The following STPG4 variants were observed in gnomAD, a reference collection of about 807,000 sequenced individuals.
STPG4 encodes the protein protein STPG4.
Under a neutral mutation model 31.5 loss-of-function variants are expected in STPG4, and 41 were observed. The observed-to-expected ratio is 1.30, with a 90% CI of 1.01 to 1.69. STPG4 has a LOEUF of 1.69. Among genes scored for constraint, STPG4 ranks in the 40% most tolerant of loss-of-function variants. STPG4 has a pLI of 0.00. For missense variants in STPG4, 375 were observed against 293.4 expected, an observed-to-expected ratio of 1.28 and a Z score of -2.03; for synonymous variants, 141 against 103.0, an observed-to-expected ratio of 1.37 and a Z score of -2.24.
At chr2:47,149,082 A>T (rs1686884469) in intron 3 of STPG4, among the ~76,000 whole-genome samples, 1 of 152,188 alleles carries the variant, frequency 6.6e-6, no homozygotes, top group Non-Finnish European at 1.5e-5. Flanking sequence ...TGACTAAACA[A>T]TGTTTATGTT....
At chr2:47,110,439 C>T (rs536770902) in intron 5 of STPG4, among the ~76,000 whole-genome samples, 2 of 152,250 alleles carry the variant, frequency 1.3e-5, no homozygotes, top group East Asian at 3.9e-4. Context: ...ACTAAACATG[C>T]AAAAATTAGC....
At chr2:47,095,798 G>GA (rs1308577422) in intron 5 of STPG4, among the ~76,000 whole-genome samples, 1 of 152,142 alleles carries the variant, frequency 6.6e-6, no homozygotes, top group Non-Finnish European at 1.5e-5. Flanking sequence ...AGCTAGGTGT[G>GA]GCTGCAGGAC....
At chr2:47,113,852 G>A (rs1686089920) in intron 5 of STPG4, among the ~76,000 whole-genome samples, 1 of 151,918 alleles carries the variant, frequency 6.6e-6, no homozygotes, top group African/African-American at 2.4e-5. Context: ...GGCCAACATG[G>A]TGAAACCCCG....
chr2:47,125,417 T>A (rs1419950086), intron 5 of STPG4, among the ~76,000 whole-genome samples: 3 of 151,954 alleles, frequency 2.0e-5, no homozygotes, highest in African/African-American at 7.2e-5. Context: ...CAAGACGCTG[T>A]CTCAAAAAAA....
At chr2:47,118,560 G>T (rs1305568916) in intron 5 of STPG4, among the ~76,000 whole-genome samples, 1 of 152,144 alleles carries the variant, frequency 6.6e-6, no homozygotes, top group East Asian at 1.9e-4. Flanking sequence ...TGGAAAAACT[G>T]TCTTCTGTGA....
chr2:47,143,529 A>G (rs1466916803), intron 3 of STPG4, among the ~76,000 whole-genome samples: 1 of 146,780 alleles, frequency 6.8e-6, no homozygotes, highest in Non-Finnish European at 1.5e-5. Flanking sequence ...TCTGTCGCCC[A>G]GGCTGGAGTG....
chr2:47,092,851 C>T (rs1280717558), intron 5 of STPG4, among the ~76,000 whole-genome samples: 1 of 151,614 alleles, frequency 6.6e-6, no homozygotes, highest in African/African-American at 2.4e-5. Flanking sequence ...GGAGTGCAGT[C>T]ACGCCATCTC....
intron 3 of STPG4, among the ~76,000 whole-genome samples, chr2:47,136,438 A>G (rs7600552): frequency 0.83 from 126,808 of 152,058 alleles, 54,224 homozygotes; most frequent in South Asian, 0.95. Context: ...ATGAGCCACC[A>G]CGCCCAGCCA....
rs553088232 is a variant in STPG4, at chr2:47,126,348, C to A, written c.519+3593G>T. Among the ~76,000 whole-genome samples the A allele has an allele frequency of 1.1e-4, 16 of 151,932 alleles. 1 individual carries two copies. In the East Asian group the frequency reaches 3.1e-3, roughly 29 times the overall value. ...CTCCTTCTCCTTCTTCTTCTTCAGA[C>A]AGGGTCTTGTTCTGTTGCCCAGGCT... is the stretch of plus-strand genomic sequence containing the variant. On this transcript the variant is annotated intron_variant, in intron 5 of 6. Transcript: ENST00000445927.
chr2:47,133,538 T>C (rs996399359), intron 3 of STPG4, among the ~76,000 whole-genome samples: 6 of 146,152 alleles, frequency 4.1e-5, no homozygotes, highest in African/African-American at 1.5e-4. Flanking sequence ...CACTAATTAA[T>C]GTTTCAATCC....
intron 5 of STPG4, among the ~76,000 whole-genome samples, chr2:47,099,733 G>A (rs1685750345): frequency 6.6e-6 from 1 of 152,372 alleles, no homozygotes; most frequent in South Asian, 2.1e-4. Flanking sequence ...GGTGTGGAGG[G>A]AGAGGCGCGA....
At chr2:47,112,989 C>A (rs1301928505) in intron 5 of STPG4, among the ~76,000 whole-genome samples, 3 of 93,652 alleles carry the variant, frequency 3.2e-5, no homozygotes, top group South Asian at 4.0e-4. Flanking sequence ...AAGACTATCT[C>A]AAAAAAAAAA....
intron 5 of STPG4, among the ~76,000 whole-genome samples, chr2:47,126,010 G>C (rs963672850): frequency 2.0e-5 from 3 of 152,120 alleles, no homozygotes; most frequent in African/African-American, 7.2e-5. Context: ...CTTGGCACCT[G>C]TGTCAAAAAT....
At chr2:47,090,123 G>C in intron 6 of STPG4, 147 bp downstream of exon 6, 1 of 538,574 alleles carries the variant, frequency 1.9e-6, no homozygotes, top group Non-Finnish European at 3.3e-6. Flanking sequence ...GCCTTGACAG[G>C]CAACTGTATC....
At chr2:47,142,333 A>C (rs532406434) in intron 3 of STPG4, among the ~76,000 whole-genome samples, 1 of 152,244 alleles carries the variant, frequency 6.6e-6, no homozygotes, top group East Asian at 1.9e-4. Flanking sequence ...TTCATTTTCC[A>C]TGAGCTCCAT....
rs1340275758 is a variant in STPG4 at position 47,151,508 on chromosome 2, G to C, written c.149C>G (p.Pro50Arg). The change falls in exon 3 of 7, where the codon CCT becomes CGT. Residue 50 changes from proline to arginine, a missense_variant. By Grantham distance (103) the Pro-to-Arg change is moderately radical (BLOSUM62 -2). Coordinates refer to ENST00000445927, the MANE Select transcript of STPG4 (RefSeq NM_001163561.2). ...TTTCAAGTGGTAAGTGCCAGGTATA[G>C]GAGTATCCTGTGGAAAATTGACATC... ...GWWRIALTDT[P>R]IPGTYHLKTF... 6.2e-7 allele frequency: 1 copy of C among 1,612,886 alleles called. No individual in the cohort carries two copies. Among genetic ancestry groups the C allele is most frequent in the East Asian group, 2.2e-5 (1 of 44,878 alleles).
intron 6 of STPG4, among the ~76,000 whole-genome samples, chr2:47,087,497 C>T (rs774167218): frequency 2.0e-5 from 3 of 152,196 alleles, no homozygotes; most frequent in Non-Finnish European, 4.4e-5. Context: ...ATCTTTCCCC[C>T]GGTGACCTCA....
chr2:47,109,315 G>A (rs1363902547), intron 5 of STPG4, among the ~76,000 whole-genome samples: 7 of 152,198 alleles, frequency 4.6e-5, no homozygotes, highest in African/African-American at 1.7e-4. Flanking sequence ...CCCACACTTT[G>A]GGAGGCAGAG....
chr2:47,143,244 C>T (rs1239051911), intron 3 of STPG4, among the ~76,000 whole-genome samples: 2 of 152,146 alleles, frequency 1.3e-5, no homozygotes. Context: ...TGCCAAATTG[C>T]CCTCCAAAAT....
Sources: allele counts gnomAD v4.1 joint callset (sites outside exome capture counted in the v4.1 genomes callset), GRCh38; gene constraint gnomAD v4.1.1; transcripts MANE v1.5; gene names NCBI Gene and HGNC (gene_info 2026-07-23, HGNC 2026-07-21).